The following RTN4 variants were observed in gnomAD, a reference collection of about 807,000 sequenced individuals.
RTN4 encodes the protein reticulon-4.
RTN4 carries 32 observed loss-of-function variants against 90.4 expected under a neutral mutation model. The ratio of observed to expected loss-of-function variants is 0.35; its 90% confidence interval spans 0.27 to 0.48. The LOEUF (loss-of-function observed/expected upper bound fraction) is 0.48, where lower values mean the gene tolerates loss of function less well. Ranked by LOEUF, RTN4 falls within the 20% of genes least tolerant of loss-of-function variation. RTN4 has a pLI of 0.99. For synonymous variants in RTN4, 629 were observed against 552.5 expected, an observed-to-expected ratio of 1.14 and a Z score of -1.94; for missense variants, 1,706 against 1,430.2, an observed-to-expected ratio of 1.19 and a Z score of -3.11.
chr2:55,080,861 G>A (rs2972066), intron 1 of RTN4, among the ~76,000 whole-genome samples: 139,165 of 152,278 alleles, frequency 0.91, 63,708 homozygotes, highest in Middle Eastern at 0.98. Flanking sequence ...GCTTAATTAA[G>A]TTGATTTGAA....
At chr2:55,028,673 C>G (rs1291768332) in intron 1 of RTN4, among the ~76,000 whole-genome samples, 1 of 152,120 alleles carries the variant, frequency 6.6e-6, no homozygotes, top group Non-Finnish European at 1.5e-5. Flanking sequence ...TTTAAAGAAA[C>G]ACTTTTAAAG....
At chr2:55,047,672 G>C (rs542051401) in intron 1 of RTN4, among the ~76,000 whole-genome samples, 26 of 152,248 alleles carry the variant, frequency 1.7e-4, no homozygotes, top group Non-Finnish European at 1.5e-4. Flanking sequence ...TACACTACTT[G>C]ATTCTTGACC....
chr2:54,984,375 A>G (rs1678382676), intron 4 of RTN4, among the ~76,000 whole-genome samples: 1 of 152,266 alleles, frequency 6.6e-6, no homozygotes, highest in Non-Finnish European at 1.5e-5. Context: ...ACAATTATTA[A>G]CAAAAAACTG....
intron 1 of RTN4, among the ~76,000 whole-genome samples, chr2:55,111,352 T>C (rs2920842): frequency 0.45 from 67,722 of 152,050 alleles, 15,867 homozygotes; most frequent in East Asian, 0.64. Context: ...CCCAAATAGA[T>C]GGTGGTATCA....
chr2:55,044,647 CA>C (rs576994390), intron 1 of RTN4, among the ~76,000 whole-genome samples: 21 of 151,996 alleles, frequency 1.4e-4, no homozygotes, highest in African/African-American at 4.8e-4. Context: ...TATAACATGG[CA>C]AATCCTTTAA....
intron 3 of RTN4, among the ~76,000 whole-genome samples, chr2:55,017,651 T>G (rs374718731): frequency 3.9e-5 from 6 of 152,208 alleles, no homozygotes; most frequent in East Asian, 3.9e-4. Context: ...CTCAGCAGTT[T>G]GGACAGGAAA....
chr2:55,135,409 G>A, the RTN4 span, among the ~76,000 whole-genome samples: 1 of 152,056 alleles, frequency 6.6e-6, no homozygotes, highest in African/African-American at 2.4e-5. Context: ...ATTTCACCAT[G>A]TTGGCCAGGC....
chr2:55,091,522 T>G (rs1376526882), intron 1 of RTN4, among the ~76,000 whole-genome samples: 2 of 152,212 alleles, frequency 1.3e-5, no homozygotes, highest in Non-Finnish European at 2.9e-5. Flanking sequence ...TTCATCTTCC[T>G]GTCCTCATTA....
chr2:55,050,378 G>C lies in RTN4; in HGVS notation c.-78C>G. The C allele has an allele frequency of 2.2e-6, 2 of 925,338 alleles. No homozygotes were observed. The highest frequency in any genetic ancestry group is 3.0e-6 in the Non-Finnish European group (2 of 669,148). The allele number at this position is 925,338 out of a possible 1,614,324, so 57.3% of individuals were successfully genotyped here. ...GTCTCAGAGCCGCGGGCGGTTGTGGGGGTTGGGGAGGACTGAGAGGGGCTG... is the reference window on the plus strand; with the variant it reads ...GTCTCAGAGCCGCGGGCGGTTGTGGCGGTTGGGGAGGACTGAGAGGGGCTG... On this transcript the variant is annotated 5_prime_UTR_variant, in exon 1 of 9. Transcript: ENST00000337526. This position sits in a 1 kb window ranked among gnomAD's most constrained non-coding sequence, Gnocchi z 4.6.
At chr2:55,031,083 A>C (rs1682278929) in intron 1 of RTN4, among the ~76,000 whole-genome samples, 1 of 152,220 alleles carries the variant, frequency 6.6e-6, no homozygotes, top group African/African-American at 2.4e-5. Flanking sequence ...TTTAAATCAT[A>C]TCTAATTACA....
Position 55,049,430 on chromosome 2 carries a change from C to A in RTN4, c.556+315G>T, listed in dbSNP as rs572415062. 9.3e-4 allele frequency: 385 copies of A among 411,946 alleles called. 1 individual carries two copies. Among genetic ancestry groups the A allele is most frequent in the African/African-American group, 6.6e-3 (318 of 48,186 alleles). 25.5% of individuals were successfully genotyped at this position (411,946 alleles called of 1,614,324 possible). A position where few individuals can be genotyped will look rare whatever the true frequency, so the allele number is the denominator to read the frequency against. On this transcript the variant is annotated intron_variant, in intron 1 of 8. Transcript: ENST00000337526. ...CACAACCCTGGCTCTCGGGTATATA[C>A]CCGGCTCCTACTACGGGTGGGTGCC...
intron 2 of RTN4, among the ~76,000 whole-genome samples, chr2:55,077,117 G>A (rs368253293): frequency 2.1e-4 from 31 of 151,104 alleles, no homozygotes; most frequent in East Asian, 7.9e-4. Flanking sequence ...GGTTCATGCC[G>A]TTCTCCTGCC....
At chr2:55,012,882 A>C (rs1211751902) in intron 3 of RTN4, among the ~76,000 whole-genome samples, 1 of 152,172 alleles carries the variant, frequency 6.6e-6, no homozygotes, top group Non-Finnish European at 1.5e-5. Context: ...TATAGGTCCT[A>C]TTCCACAATG....
upstream of RTN4, among the ~76,000 whole-genome samples, chr2:55,114,519 T>C (rs903166275): frequency 6.6e-6 from 1 of 152,066 alleles, no homozygotes; most frequent in African/African-American, 2.4e-5. Context: ...GCTGACATGG[T>C]GAAACCCCGT....
intron 1 of RTN4, 58 bp downstream of exon 1, chr2:55,049,687 C>T: frequency 6.8e-7 from 1 of 1,465,164 alleles, no homozygotes; most frequent in East Asian, 2.7e-5. Context: ...TCTGGGGCTG[C>T]ACACAAAAGA....
intron 2 of RTN4, among the ~76,000 whole-genome samples, chr2:55,076,755 A>G (rs1668607875): frequency 6.6e-6 from 1 of 152,128 alleles, no homozygotes; most frequent in Non-Finnish European, 1.5e-5. Flanking sequence ...GGAGGGACCC[A>G]GTGGGAGATA....
At chr2:55,058,613 AG>A (rs1280726684) in intron 2 of RTN4, among the ~76,000 whole-genome samples, 1 of 152,162 alleles carries the variant, frequency 6.6e-6, no homozygotes, top group Non-Finnish European at 1.5e-5. Flanking sequence ...TGGTAGTTGG[AG>A]GTTTTCATTC....
intron 3 of RTN4, among the ~76,000 whole-genome samples, chr2:55,022,912 C>CACACACACACACACACAA (rs1681548500): frequency 6.6e-6 from 1 of 151,706 alleles, no homozygotes; most frequent in Non-Finnish European, 1.5e-5. Context: ...CACACACACA[C>CACACACACACACACACAA]ACACACACAC....
At chr2:54,993,271 T>C (rs772117853) in intron 3 of RTN4, among the ~76,000 whole-genome samples, 17 of 152,004 alleles carry the variant, frequency 1.1e-4, no homozygotes, top group Non-Finnish European at 2.2e-4. Flanking sequence ...CAGAAAAAAA[T>C]TCACCCCATT....
Sources: allele counts gnomAD v4.1 joint callset (sites outside exome capture counted in the v4.1 genomes callset), GRCh38; gene constraint gnomAD v4.1.1; non-coding constraint Gnocchi (gnomAD v3.1); transcripts MANE v1.5; gene names NCBI Gene and HGNC (gene_info 2026-07-23, HGNC 2026-07-21).